DNM3: variants seen among roughly 807,000 people sequenced by gnomAD.
DNM3 encodes dynamin 3.
A neutral mutation model predicts 101.6 loss-of-function variants in DNM3; 47 were observed. That is an observed-to-expected ratio of 0.46 (90% CI 0.37 to 0.59). The LOEUF is 0.59. Among genes scored for constraint, DNM3 ranks in the 20% least tolerant of loss-of-function variants. The pLI, the probability that DNM3 is intolerant of heterozygous loss-of-function variation, is 0.00. For missense variants in DNM3, 849 were observed against 1,085.7 expected (o/e 0.78, Z 3.06); for synonymous variants, 385 against 387.9 (o/e 0.99, Z 0.09).
At chr1:172,133,734 G>A (rs1474707841) in intron 14 of DNM3, among the ~76,000 whole-genome samples, 4 of 152,154 alleles carry the variant, frequency 2.6e-5, no homozygotes, top group Admixed American at 2.6e-4. Context: ...AGCAGAGACT[G>A]AGATGATGAG....
chr1:172,103,801 G>T (rs1442537252), intron 13 of DNM3, among the ~76,000 whole-genome samples: 4 of 152,262 alleles, frequency 2.6e-5, no homozygotes, highest in Admixed American at 2.0e-4. Context: ...AGGAGATCGA[G>T]ACCATCCTGG....
At chr1:171,885,679 C>T (rs962344014) in intron 1 of DNM3, among the ~76,000 whole-genome samples, 1 of 152,106 alleles carries the variant, frequency 6.6e-6, no homozygotes, top group African/African-American at 2.4e-5. Flanking sequence ...GAGCTTGAAC[C>T]CTTCTACCTT....
chr1:172,252,628 A>C (rs1029695024), intron 14 of DNM3, among the ~76,000 whole-genome samples: 2 of 152,120 alleles, frequency 1.3e-5, no homozygotes, highest in African/African-American at 4.8e-5. Context: ...CATGGTTAAC[A>C]AGGGCAGCGC....
intron 17 of DNM3, among the ~76,000 whole-genome samples, chr1:172,337,541 G>A (rs186760012): frequency 1.4e-3 from 220 of 152,144 alleles, no homozygotes; most frequent in African/African-American, 5.2e-3. Flanking sequence ...AGAAAAACAG[G>A]GATAAAGAAA....
intron 2 of DNM3, 23 bp downstream of exon 2, chr1:171,921,844 G>A (rs371073445): frequency 2.4e-5 from 37 of 1,573,834 alleles, no homozygotes; most frequent in East Asian, 1.8e-4. Flanking sequence ...GATGTTTACC[G>A]CATGGATGGG....
At chr1:171,894,141 A>G (rs1275209816) in intron 1 of DNM3, among the ~76,000 whole-genome samples, 1 of 151,950 alleles carries the variant, frequency 6.6e-6, no homozygotes, top group Non-Finnish European at 1.5e-5. Context: ...TATTTTTAAT[A>G]GAGCCGGGGT....
chr1:171,972,625 G>A (rs192926756), intron 2 of DNM3, among the ~76,000 whole-genome samples: 3 of 152,264 alleles, frequency 2.0e-5, no homozygotes, highest in South Asian at 2.1e-4. Flanking sequence ...CGAGGTGGGC[G>A]GATCACCTGA....
intron 4 of DNM3, among the ~76,000 whole-genome samples, chr1:171,998,289 T>C (rs749618024): frequency 1.1e-4 from 16 of 152,072 alleles, no homozygotes; most frequent in Admixed American, 4.6e-4. Flanking sequence ...TACACTGTGG[T>C]TTGCTCTAAA....
intron 10 of DNM3, among the ~76,000 whole-genome samples, chr1:172,051,980 C>G (rs949160885): frequency 6.6e-6 from 1 of 152,120 alleles, no homozygotes. Flanking sequence ...TGGTCTTCTT[C>G]TTAGTCCAAT....
chr1:172,134,408 G>A (rs542175348), intron 14 of DNM3, among the ~76,000 whole-genome samples: 1 of 152,198 alleles, frequency 6.6e-6, no homozygotes, highest in East Asian at 1.9e-4. Flanking sequence ...TCACCATAAT[G>A]GCTAATAGTT....
chr1:171,961,939 G>A (rs909861148), intron 2 of DNM3, among the ~76,000 whole-genome samples: 6 of 152,312 alleles, frequency 3.9e-5, no homozygotes, highest in African/African-American at 1.4e-4. Context: ...ATTTTTCACA[G>A]TTATGGAGGC....
At chr1:172,018,225 A>G (rs1347486491) in intron 4 of DNM3, among the ~76,000 whole-genome samples, 1 of 152,104 alleles carries the variant, frequency 6.6e-6, no homozygotes. Context: ...TTGAATTAAT[A>G]TCTATTATAT....
intron 2 of DNM3, among the ~76,000 whole-genome samples, chr1:171,936,217 T>G (rs571324721): frequency 6.6e-6 from 1 of 152,024 alleles, no homozygotes; most frequent in East Asian, 1.9e-4. Context: ...CAGCCGGGCA[T>G]AGTGGCACAT....
intron 14 of DNM3, among the ~76,000 whole-genome samples, chr1:172,235,112 G>C (rs527408597): frequency 1.4e-4 from 21 of 152,192 alleles, no homozygotes; most frequent in African/African-American, 5.1e-4. Flanking sequence ...CTGACAAAGG[G>C]CTAATATCCA....
At chr1:172,314,340 C>T (rs2065218363) in intron 16 of DNM3, among the ~76,000 whole-genome samples, 1 of 152,148 alleles carries the variant, frequency 6.6e-6, no homozygotes, top group Admixed American at 6.5e-5. Context: ...GCATTTCCAT[C>T]TGAGGTAGCA....
intron 1 of DNM3, among the ~76,000 whole-genome samples, chr1:171,858,126 A>G (rs575364727): frequency 2.0e-5 from 3 of 152,278 alleles, no homozygotes; most frequent in African/African-American, 7.2e-5. Context: ...GAGCAGACTA[A>G]TAAAAGTACT....
At chr1:172,347,235 G>A (rs1472815666) in intron 17 of DNM3, among the ~76,000 whole-genome samples, 2 of 151,798 alleles carry the variant, frequency 1.3e-5, no homozygotes, top group African/African-American at 2.4e-5. Flanking sequence ...CTGTAAAAAT[G>A]CAAATTCGAC....
intron 12 of DNM3, among the ~76,000 whole-genome samples, chr1:172,086,715 G>A (rs996518759): frequency 2.0e-5 from 3 of 152,112 alleles, no homozygotes; most frequent in African/African-American, 7.2e-5. Context: ...GTGACCTATG[G>A]TGGTAGCTAC....
At chr1:172,154,767 A>C (rs1031680519) in intron 14 of DNM3, among the ~76,000 whole-genome samples, 5 of 152,082 alleles carry the variant, frequency 3.3e-5, no homozygotes, top group Non-Finnish European at 5.9e-5. Flanking sequence ...CTGTTGATGT[A>C]GTGTAGTAAT....
Sources: allele counts gnomAD v4.1 joint callset (sites outside exome capture counted in the v4.1 genomes callset), GRCh38; gene constraint gnomAD v4.1.1; transcripts MANE v1.5; gene names NCBI Gene and HGNC (gene_info 2026-07-23, HGNC 2026-07-21).